The following SSBP2 variants were observed in gnomAD, a reference collection of about 807,000 sequenced individuals.
SSBP2 encodes single stranded DNA binding protein 2, also known as single-stranded DNA-binding protein 2.
In SSBP2, 17 loss-of-function variants were observed where a neutral mutation model predicts 61.8. The observed-to-expected ratio is 0.28, with a 90% CI of 0.19 to 0.41. The LOEUF is 0.41. Ranked by LOEUF, SSBP2 falls within the 10% of genes least tolerant of loss-of-function variation. The pLI is 1.00. For missense variants in SSBP2, 310 were observed against 458.7 expected (o/e 0.68, Z 2.96); for synonymous variants, 139 against 141.3 (o/e 0.98, Z 0.12).
intron 1 of SSBP2, among the ~76,000 whole-genome samples, chr5:81,670,674 G>A (rs1175369137): frequency 5.9e-5 from 9 of 151,868 alleles, no homozygotes; most frequent in Non-Finnish European, 8.8e-5. Context: ...TTTCCTCCTC[G>A]CTTTACCACT....
intron 4 of SSBP2, among the ~76,000 whole-genome samples, chr5:81,612,497 T>C (rs995568360): frequency 5.3e-5 from 8 of 152,086 alleles, no homozygotes; most frequent in African/African-American, 1.9e-4. Flanking sequence ...ATTATCCCAA[T>C]ATCAAAAGAT....
chr5:81,745,119 C>T (rs1035273425), intron 1 of SSBP2, among the ~76,000 whole-genome samples: 2 of 152,056 alleles, frequency 1.3e-5, no homozygotes, highest in African/African-American at 4.8e-5. Flanking sequence ...TCTGGAAAAA[C>T]TCTATTCTTC....
At chr5:81,746,599 T>C (rs1050799910) in intron 1 of SSBP2, among the ~76,000 whole-genome samples, 4 of 152,110 alleles carry the variant, frequency 2.6e-5, no homozygotes, top group Non-Finnish European at 4.4e-5. Flanking sequence ...CCCTTTTATA[T>C]GAAGTGGCAT....
intron 4 of SSBP2, among the ~76,000 whole-genome samples, chr5:81,590,840 CAGT>C (rs1561575540): frequency 1.3e-5 from 2 of 152,146 alleles, no homozygotes; most frequent in Non-Finnish European, 2.9e-5. Context: ...TGTGGGAAAA[CAGT>C]AGAATAACCT....
At chr5:81,686,980 G>GC (rs969287042) in intron 1 of SSBP2, among the ~76,000 whole-genome samples, 19 of 151,918 alleles carry the variant, frequency 1.3e-4, no homozygotes, top group South Asian at 6.2e-4. Context: ...TGTCCTCCCA[G>GC]CAAGAACACC....
intron 1 of SSBP2, among the ~76,000 whole-genome samples, chr5:81,662,358 T>C (rs1420727639): frequency 6.6e-6 from 1 of 151,918 alleles, no homozygotes; most frequent in Non-Finnish European, 1.5e-5. Context: ...TCCCAGCTAC[T>C]TGGGAGGCTG....
chr5:81,650,437 A>T, intron 1 of SSBP2, 98 bp from the exon 2 acceptor site: 1 of 713,564 alleles, frequency 1.4e-6, no homozygotes, highest in South Asian at 2.8e-5. Flanking sequence ...TTACACACTA[A>T]CAGTGACCAA....
intron 1 of SSBP2, among the ~76,000 whole-genome samples, chr5:81,693,407 A>C (rs568008479): frequency 8.5e-5 from 13 of 152,286 alleles, no homozygotes; most frequent in African/African-American, 3.1e-4. Flanking sequence ...AGAATGGGAG[A>C]AAATGTTTGC....
At position 81,420,470 on chromosome 5, in the gene SSBP2, C is replaced by T; in HGVS notation, c.*34G>A. 1.2e-6 allele frequency: 2 copies of T among 1,605,210 alleles called. No individual in the cohort carries two copies. The highest frequency in any genetic ancestry group is 1.7e-6 in the Non-Finnish European group (2 of 1,171,974). Reference sequence around the variant, plus strand: ...GTAGTAGTTCTGTGAAGGGCTGACTCACTGTGGTTTTCATGAGGAGACTTG... The same window carrying T: ...GTAGTAGTTCTGTGAAGGGCTGACTTACTGTGGTTTTCATGAGGAGACTTG... On this transcript the variant is annotated 3_prime_UTR_variant, in exon 17 of 17. Transcript: ENST00000320672.
At chr5:81,469,561 T>C (rs1222301689) in intron 8 of SSBP2, among the ~76,000 whole-genome samples, 2 of 151,962 alleles carry the variant, frequency 1.3e-5, no homozygotes, top group Admixed American at 6.6e-5. Flanking sequence ...TGTGTATCTA[T>C]ACTTCCTGCT....
At chr5:81,498,261 C>T (rs553277333) in intron 5 of SSBP2, among the ~76,000 whole-genome samples, 3 of 151,990 alleles carry the variant, frequency 2.0e-5, no homozygotes, top group Admixed American at 6.6e-5. Context: ...CTTTACTCAA[C>T]GTTTAGGTAA....
intron 6 of SSBP2, among the ~76,000 whole-genome samples, chr5:81,486,723 A>G (rs1236114903): frequency 6.6e-6 from 1 of 152,154 alleles, no homozygotes; most frequent in Non-Finnish European, 1.5e-5. Flanking sequence ...GTATGTTGTA[A>G]CCCTTGGCAT....
At chr5:81,597,571 C>T (rs1398424955) in intron 4 of SSBP2, among the ~76,000 whole-genome samples, 9 of 152,014 alleles carry the variant, frequency 5.9e-5, no homozygotes, top group Admixed American at 1.3e-4. Flanking sequence ...ATGTTTACTG[C>T]GGCACTATTC....
chr5:81,749,031 C>T (rs965526551), intron 1 of SSBP2, among the ~76,000 whole-genome samples: 1 of 152,112 alleles, frequency 6.6e-6, no homozygotes, highest in Admixed American at 6.5e-5. Context: ...TAAGATCATG[C>T]CTCAATACAT....
intron 4 of SSBP2, among the ~76,000 whole-genome samples, chr5:81,516,312 T>G (rs1769015277): frequency 6.6e-6 from 1 of 152,066 alleles, no homozygotes; most frequent in Admixed American, 6.6e-5. Flanking sequence ...TTCTTAATAT[T>G]CATACTTTAG....
intron 5 of SSBP2, among the ~76,000 whole-genome samples, chr5:81,498,845 C>T (rs943391662): frequency 6.6e-6 from 1 of 151,998 alleles, no homozygotes; most frequent in Non-Finnish European, 1.5e-5. Flanking sequence ...AGTATTGTGA[C>T]ATCCTTATTT....
intron 4 of SSBP2, among the ~76,000 whole-genome samples, chr5:81,573,729 A>C (rs931959595): frequency 6.6e-5 from 10 of 152,216 alleles, no homozygotes; most frequent in African/African-American, 2.4e-4. Flanking sequence ...CAATAAAAAA[A>C]TCCAGGGATA....
At chr5:81,674,179 T>G (rs1751790427) in intron 1 of SSBP2, among the ~76,000 whole-genome samples, 1 of 152,118 alleles carries the variant, frequency 6.6e-6, no homozygotes, top group Non-Finnish European at 1.5e-5. Context: ...ACATCATGAT[T>G]CAGTATTTTC....
chr5:81,532,779 A>G (rs1770514446), intron 4 of SSBP2, among the ~76,000 whole-genome samples: 1 of 151,946 alleles, frequency 6.6e-6, no homozygotes, highest in Admixed American at 6.6e-5. Context: ...AGGACAAGGA[A>G]TAACAGAAAA....
Sources: gnomAD v4.1 joint callset for allele counts (sites outside exome capture counted in the v4.1 genomes callset) on GRCh38, gnomAD v4.1.1 for gene constraint, MANE v1.5 for transcripts, NCBI Gene and HGNC (gene_info 2026-07-23, HGNC 2026-07-21) for gene names.